CCL13: variants seen among roughly 807,000 people sequenced by gnomAD.
CCL13 encodes C-C motif chemokine 13.
A neutral mutation model predicts 6.6 loss-of-function variants in CCL13; 5 were observed. The observed-to-expected ratio is 0.76, with a 90% confidence interval of 0.40 to 1.60. The LOEUF (loss-of-function observed/expected upper bound fraction) is 1.60, where lower values mean the gene tolerates loss of function less well. Ranked by LOEUF, CCL13 falls within the 40% of genes most tolerant of loss-of-function variation. The pLI, the probability that CCL13 is intolerant of heterozygous loss-of-function variation, is 0.02. For missense variants in CCL13, 117 were observed against 114.2 expected (o/e 1.02, Z -0.11); for synonymous variants, 39 against 43.0 (o/e 0.91, Z 0.37).
In CCL13 at chr17:34,357,399, A is replaced by C; in HGVS notation, c.77-76A>C. ...TTCCTCTTTGCTTTGCATCCCATAC[A>C]GATGCTCCCTGCTGTATTCAAGCTG... On this transcript the variant is annotated intron_variant, in intron 1 of 2. Transcript: ENST00000225844. 5.3e-6 allele frequency: 5 copies of C among 948,230 alleles called. No homozygotes were observed. The South Asian group carries it at 7.1e-5, about 13-fold the overall frequency. The allele number at this position is 948,230 out of a possible 1,614,324, so 58.7% of individuals were successfully genotyped here.
At position 34,358,219 on chromosome 17, in the gene CCL13, C is replaced by A. The variant is rs191543093; in HGVS notation, c.*88C>A. ...GCCTCCTCTTCTATGCTTTGGAATA[C>A]TTCTACCATAATTTTCAAATAGGAT... On this transcript the variant is annotated 3_prime_UTR_variant, in exon 3 of 3. Coordinates refer to ENST00000225844, the MANE Select transcript of CCL13 (RefSeq NM_005408.3). 1.2e-5 allele frequency: 10 copies of A among 846,692 alleles called. No homozygotes were observed. The highest frequency in any genetic ancestry group is 2.5e-5 in the East Asian group (1 of 39,770). The allele number at this position is 846,692 out of a possible 1,614,324, so 52.4% of individuals were successfully genotyped here. A position where few individuals can be genotyped will look rare whatever the true frequency, so the allele number is the denominator to read the frequency against.
In CCL13 at chr17:34,358,273, T is replaced by C. The variant is rs1056015838; in HGVS notation, c.*142T>C. On this transcript the variant is annotated 3_prime_UTR_variant, in exon 3 of 3. Transcript: ENST00000225844. ...TTCGGTTTTGTGATTCAAAATGTAC[T>C]ATGTGTTAAGTAATATTGGCTATTA... 2.8e-5 allele frequency: 19 copies of C among 674,792 alleles called. No homozygotes were observed. In the Admixed American group the frequency reaches 5.1e-4, roughly 18 times the overall value. 41.8% of individuals were successfully genotyped at this position (674,792 alleles called of 1,614,324 possible).
Position 34,358,219 on chromosome 17 carries a change from C to T in CCL13, c.*88C>T, listed in dbSNP as rs191543093. The T allele has an allele frequency of 2.0e-5, 17 of 846,694 alleles. No individual in the cohort carries two copies. The highest frequency in any genetic ancestry group is 3.4e-5 in the African/African-American group (2 of 58,892). 52.4% of individuals were successfully genotyped at this position (846,694 alleles called of 1,614,324 possible). ...GCCTCCTCTTCTATGCTTTGGAATA[C>T]TTCTACCATAATTTTCAAATAGGAT... is the stretch of plus-strand genomic sequence containing the variant. On this transcript the variant is annotated 3_prime_UTR_variant, in exon 3 of 3. Coordinates refer to ENST00000225844, the MANE Select transcript of CCL13 (RefSeq NM_005408.3).
chr17:34,357,578 G>A lies in CCL13; in HGVS notation c.180G>A (p.Gln60=). The A allele has an allele frequency of 6.2e-7, 1 of 1,607,678 alleles. No individual in the cohort carries two copies. The highest frequency in any genetic ancestry group is 8.5e-7 in the Non-Finnish European group (1 of 1,174,444). The part of the protein sequence containing the change: ...SYVITTSRCP[Q]KAVIFRTKLG... ...TGATCACCACCAGCAGGTGTCCCCAGAAGGCTGTCATGTGGGTAGAAAAAT... is the reference window on the plus strand; with the variant it reads ...TGATCACCACCAGCAGGTGTCCCCAAAAGGCTGTCATGTGGGTAGAAAAAT... The change falls in exon 2 of 3, where the codon CAG becomes CAA. Residue 60 remains glutamine, a synonymous_variant. Transcript: ENST00000225844.
At chr17:34,357,639 CCCAAT>C (rs1910386699) in intron 2 of CCL13, 50 bp downstream of exon 2, 1 of 1,117,936 alleles carries the variant, frequency 8.9e-7, no homozygotes, top group Admixed American at 1.7e-5. Context: ...TCCCACATTC[CCCAAT>C]CCAAAGTTCT....
Position 34,358,295 on chromosome 17 carries a change from A to C in CCL13, c.*164A>C. ...TACTATGTGTTAAGTAATATTGGCT[A>C]TTATTTGACTTGTTGCTGGTTTGGA... is the stretch of plus-strand genomic sequence containing the variant. On this transcript the variant is annotated 3_prime_UTR_variant, in exon 3 of 3. Coordinates refer to ENST00000225844, the MANE Select transcript of CCL13 (RefSeq NM_005408.3). 1 of 633,076 alleles carries C rather than the reference A, an allele frequency of 1.6e-6. No individual in the cohort carries two copies. The highest frequency in any genetic ancestry group is 2.8e-6 in the Non-Finnish European group (1 of 359,370). 39.2% of individuals were successfully genotyped at this position (633,076 alleles called of 1,614,324 possible).
chr17:34,357,871 C>A (rs1183336898), intron 2 of CCL13, among the ~76,000 whole-genome samples, 155 bp from the exon 3 acceptor site: 1 of 152,208 alleles, frequency 6.6e-6, no homozygotes, highest in African/African-American at 2.4e-5. Flanking sequence ...CCTCCAGAGA[C>A]CCCTTCTGTC....
rs370593553 is a variant in CCL13 at position 34,358,167 on chromosome 17, G to C, written c.*36G>C. On this transcript the variant is annotated 3_prime_UTR_variant, in exon 3 of 3. Coordinates refer to ENST00000225844, the MANE Select transcript of CCL13 (RefSeq NM_005408.3). Reference sequence around the variant, plus strand: ...CCCTACTGAAATCAAGCTGGAGTACGTGAAATGACTTTTCCATTCTCCTCT... The same window carrying C: ...CCCTACTGAAATCAAGCTGGAGTACCTGAAATGACTTTTCCATTCTCCTCT... The C allele has an allele frequency of 7.0e-7, 1 of 1,436,762 alleles. No individual in the cohort carries two copies. Among genetic ancestry groups the C allele is most frequent in the Non-Finnish European group, 9.8e-7 (1 of 1,019,434 alleles). The allele number at this position is 1,436,762 out of a possible 1,614,324, so 89.0% of individuals were successfully genotyped here.
rs1216222190 is a variant in CCL13 at position 34,357,526 on chromosome 17, TCTC to T, written c.131_133del (p.Ser44del). 3.1e-6 allele frequency: 5 copies of T among 1,613,472 alleles called. No homozygotes were observed. In the African/African-American group the frequency reaches 4.0e-5, roughly 13 times the overall value. ...TGCTTCACATTTAGCAGTAAGAAGA[TCTC>T]CTTGCAGAGGCTGAAGAGCTATGTG... is the stretch of plus-strand genomic sequence containing the variant. On this transcript the variant is annotated inframe_deletion, in exon 2 of 3. Coordinates refer to ENST00000225844, the MANE Select transcript of CCL13 (RefSeq NM_005408.3).
rs1910404965 is a variant in CCL13, at chr17:34,358,199, C to G, written c.*68C>G. ...GACTTTTCCATTCTCCTCTGGCCTC[C>G]TCTTCTATGCTTTGGAATACTTCTA... On this transcript the variant is annotated 3_prime_UTR_variant, in exon 3 of 3. Transcript: ENST00000225844. The G allele has an allele frequency of 3.0e-6, 3 of 1,012,840 alleles. No homozygotes were observed. The highest frequency in any genetic ancestry group is 3.1e-6 in the Non-Finnish European group (2 of 652,352). The allele number at this position is 1,012,840 out of a possible 1,614,324, so 62.7% of individuals were successfully genotyped here.
intron 1 of CCL13, among the ~76,000 whole-genome samples, chr17:34,356,832 G>A (rs1205558311): frequency 1.3e-5 from 2 of 152,070 alleles, no homozygotes; most frequent in South Asian, 2.1e-4. Context: ...CCGCCATCAC[G>A]TGCAGCTAAT....
Position 34,356,622 on chromosome 17 carries a change from C to T in CCL13, c.76+20C>T, listed in dbSNP as rs1467940289. 3.9e-6 allele frequency: 6 copies of T among 1,548,972 alleles called. No individual in the cohort carries two copies. Among genetic ancestry groups the T allele is most frequent in the Non-Finnish European group, 5.3e-6 (6 of 1,121,558 alleles). On this transcript the variant is annotated intron_variant, in intron 1 of 2. Transcript: ENST00000225844. The stretch of plus-strand genomic sequence containing the variant: ...AGCCAGGTAAGTCACCTCCCTTCGA[C>T]TCTCCCTCTCTTTCCCTCTGTTTCT...
intron 2 of CCL13, 83 bp from the exon 3 acceptor site, chr17:34,357,943 C>A: frequency 2.2e-6 from 2 of 920,126 alleles, no homozygotes; most frequent in Non-Finnish European, 3.4e-6. Context: ...GTGGACCAGG[C>A]AGGTTTAGAA....
chr17:34,357,957 AGTGTGTCATCTC>A, intron 2 of CCL13, 57 bp from the exon 3 acceptor site: 1 of 1,119,250 alleles, frequency 8.9e-7, no homozygotes, highest in Non-Finnish European at 1.3e-6. Context: ...TTTAGAACCC[AGTGTGTCATCTC>A]CTGGGTAAAC....
In CCL13 at chr17:34,357,468, T is replaced by C; in HGVS notation, c.77-7T>C. On this transcript the variant is annotated splice_polypyrimidine_tract_variant and splice_region_variant and intron_variant, in intron 1 of 2. Transcript: ENST00000225844. Reference sequence around the variant, plus strand: ...CTCAAAGTCTTTTTCTTTGTAACTATTTCTAGATGCACTCAACGTCCCATC... The same window carrying C: ...CTCAAAGTCTTTTTCTTTGTAACTACTTCTAGATGCACTCAACGTCCCATC... The C allele has an allele frequency of 1.3e-6, 2 of 1,588,398 alleles. No homozygotes were observed. Among genetic ancestry groups the C allele is most frequent in the Non-Finnish European group, 1.7e-6 (2 of 1,157,074 alleles).
rs1567663625 is a variant in CCL13 at position 34,358,421 on chromosome 17, G to T, written c.*290G>T. 5.1e-6 allele frequency: 2 copies of T among 389,494 alleles called. No homozygotes were observed. Among genetic ancestry groups the T allele is most frequent in the South Asian group, 5.1e-5 (2 of 38,862 alleles). The allele number at this position is 389,494 out of a possible 1,614,324, so 24.1% of individuals were successfully genotyped here. A position where few individuals can be genotyped will look rare whatever the true frequency, so the allele number is the denominator to read the frequency against. On this transcript the variant is annotated 3_prime_UTR_variant, in exon 3 of 3. Coordinates refer to ENST00000225844, the MANE Select transcript of CCL13 (RefSeq NM_005408.3). The stretch of plus-strand genomic sequence containing the variant: ...CTTCCACTATGAGCTGCTGGCAGTG[G>T]GTTTGTATTCGGTTCCCAGGGGTTG...
At chr17:34,357,450 T>G (rs1214229514) in intron 1 of CCL13, 25 bp from the exon 2 acceptor site, 2 of 1,490,834 alleles carry the variant, frequency 1.3e-6, no homozygotes, top group South Asian at 1.1e-5. Flanking sequence ...ATCCTCAAAG[T>G]CTTTTTCTTT....
chr17:34,358,088 A>C lies in CCL13; in HGVS notation c.254A>C (p.Tyr85Ser), dbSNP rs1325055197. ...CCAAAGGAGAAGTGGGTCCAGAATTATATGAAACACCTGGGCCGGAAAGCT... is the reference window on the plus strand; with the variant it reads ...CCAAAGGAGAAGTGGGTCCAGAATTCTATGAAACACCTGGGCCGGAAAGCT... ...ADPKEKWVQN[Y>S]MKHLGRKAHT... Residue 85 changes from tyrosine to serine, a missense_variant, in exon 3 of 3, where the codon TAT becomes TCT. Physicochemically the swap from Tyr to Ser is moderately radical, Grantham distance 144 (BLOSUM62 -2). Transcript: ENST00000225844. 1 of 1,614,078 alleles carries C rather than the reference A, an allele frequency of 6.2e-7. No homozygotes were observed. Among genetic ancestry groups the C allele is most frequent in the Non-Finnish European group, 8.5e-7 (1 of 1,179,976 alleles).
chr17:34,357,463 A>G lies in CCL13; in HGVS notation c.77-12A>G. On this transcript the variant is annotated splice_polypyrimidine_tract_variant and intron_variant, in intron 1 of 2. Coordinates refer to ENST00000225844, the MANE Select transcript of CCL13 (RefSeq NM_005408.3). ...ACATCCTCAAAGTCTTTTTCTTTGT[A>G]ACTATTTCTAGATGCACTCAACGTC... is the stretch of plus-strand genomic sequence containing the variant. 1 of 1,574,164 alleles carries G rather than the reference A, an allele frequency of 6.4e-7. No individual in the cohort carries two copies. Among genetic ancestry groups the G allele is most frequent in the Non-Finnish European group, 8.7e-7 (1 of 1,144,690 alleles).
Sources: gnomAD v4.1 joint callset for allele counts (sites outside exome capture counted in the v4.1 genomes callset) on GRCh38, gnomAD v4.1.1 for gene constraint, MANE v1.5 for transcripts, NCBI Gene and HGNC (gene_info 2026-07-23, HGNC 2026-07-21) for gene names.